PTPRD: variants seen among roughly 807,000 people sequenced by gnomAD.
PTPRD encodes protein tyrosine phosphatase receptor type D, also known as receptor-type tyrosine-protein phosphatase delta.
A neutral mutation model predicts 214.5 loss-of-function variants in PTPRD; 34 were observed. The ratio of observed to expected loss-of-function variants is 0.16; its 90% CI spans 0.12 to 0.21. The LOEUF is 0.21. PTPRD is among the 10% of genes least tolerant of loss of function. The probability of loss-of-function intolerance (pLI) is 1.00; values close to 1 mark genes in which losing one functional copy is unlikely to be tolerated. For synonymous variants in PTPRD, 1,128 were observed against 845.7 expected, an observed-to-expected ratio of 1.33 and a Z score of -5.79; for missense variants, 2,545 against 2,398.7, an observed-to-expected ratio of 1.06 and a Z score of -1.27.
At chr9:8,940,921 C>G (rs2099030163) in intron 11 of PTPRD, among the ~76,000 whole-genome samples, 1 of 151,964 alleles carries the variant, frequency 6.6e-6, no homozygotes. Context: ...TGCCTTGAGC[C>G]CAAGTTGCAC....
intron 4 of PTPRD, among the ~76,000 whole-genome samples, chr9:9,961,028 G>A (rs1021162619): frequency 1.3e-5 from 2 of 152,000 alleles, no homozygotes; most frequent in Non-Finnish European, 2.9e-5. Flanking sequence ...CTCAAAAGAA[G>A]ACATTTATGC....
chr9:8,871,688 A>G (rs1477211131), intron 11 of PTPRD, among the ~76,000 whole-genome samples: 2 of 152,204 alleles, frequency 1.3e-5, no homozygotes, highest in Non-Finnish European at 2.9e-5. Flanking sequence ...AAAGGCCATG[A>G]TAAGAGTGAA....
At chr9:8,810,904 T>C (rs994689272) in intron 11 of PTPRD, among the ~76,000 whole-genome samples, 9 of 152,172 alleles carry the variant, frequency 5.9e-5, no homozygotes, top group Non-Finnish European at 1.0e-4. Context: ...CCCCTTTCCC[T>C]TGTTGGCTAT....
intron 3 of PTPRD, among the ~76,000 whole-genome samples, chr9:10,052,995 T>G (rs1449693446): frequency 6.6e-6 from 1 of 152,174 alleles, no homozygotes; most frequent in Non-Finnish European, 1.5e-5. Flanking sequence ...ACTATCTAAG[T>G]GGCATTCTAA....
rs72700315 is a variant in PTPRD, at chr9:8,650,768, T to C, written c.65-13924A>G. On this transcript the variant is annotated intron_variant, in intron 12 of 45. Transcript: ENST00000381196. ...TTATTTTGTGCAATACCTAACATGT[T>C]GTAGGCATTCAATACCTTTTAAAGT... 2.8e-3 allele frequency among the ~76,000 whole-genome samples: 423 copies of C among 152,318 alleles called. 1 individual carries two copies. Among genetic ancestry groups the C allele is most frequent in the Admixed American group, 4.1e-3 (62 of 15,306 alleles).
chr9:10,562,296 G>T (rs1590968395), intron 2 of PTPRD, among the ~76,000 whole-genome samples: 1 of 151,554 alleles, frequency 6.6e-6, no homozygotes, highest in Non-Finnish European at 1.5e-5. Context: ...ACGTAATGGA[G>T]GGTTTCTTAT....
chr9:8,755,149 A>AACATATACCTACC (rs2093883602), intron 11 of PTPRD, among the ~76,000 whole-genome samples: 1 of 152,036 alleles, frequency 6.6e-6, no homozygotes, highest in African/African-American at 2.4e-5. Context: ...TGTTTTGCTA[A>AACATATACCTACC]ACATATACCT....
intron 14 of PTPRD, among the ~76,000 whole-genome samples, chr9:8,597,510 A>C (rs965223492): frequency 3.3e-5 from 5 of 152,270 alleles, no homozygotes; most frequent in Middle Eastern, 3.4e-3. Flanking sequence ...TATCAAAATA[A>C]AACAAAAAAA....
In PTPRD at chr9:9,779,078, C is replaced by CAAAAAAAA. The variant is rs869120926; in HGVS notation, c.-367-12235_-367-12228dup. Among the ~76,000 whole-genome samples, 60 of 45,476 alleles carry CAAAAAAAA rather than the reference C, an allele frequency of 1.3e-3. 10 individuals are homozygous for CAAAAAAAA. Among genetic ancestry groups the CAAAAAAAA allele is most frequent in the African/African-American group, 3.1e-3 (35 of 11,270 alleles). The allele number at this position is 45,476 out of a possible 152,430, so 29.8% of individuals were successfully genotyped here. A position where few individuals can be genotyped will look rare whatever the true frequency, so the allele number is the denominator to read the frequency against. ...GCCATGTGATCTTTCATAAGACTGA[C>CAAAAAAAA]AAAAAAAAAAAAAAAAAAAAAAAAA... On this transcript the variant is annotated intron_variant, in intron 5 of 45. Coordinates refer to ENST00000381196, the MANE Select transcript of PTPRD (RefSeq NM_002839.4).
intron 8 of PTPRD, among the ~76,000 whole-genome samples, chr9:9,556,210 A>G (rs1028972912): frequency 1.3e-5 from 2 of 152,214 alleles, no homozygotes; most frequent in African/African-American, 4.8e-5. Flanking sequence ...TAAGAAAATC[A>G]TTAGAAAGCG....
At chr9:9,287,215 A>ACT (rs1328597985) in intron 9 of PTPRD, among the ~76,000 whole-genome samples, 1 of 151,270 alleles carries the variant, frequency 6.6e-6, no homozygotes, top group Non-Finnish European at 1.5e-5. Flanking sequence ...ACAGAACAAG[A>ACT]CTCTGTCATC....
chr9:8,380,070 C>T (rs2084512809), intron 37 of PTPRD, among the ~76,000 whole-genome samples: 1 of 152,088 alleles, frequency 6.6e-6, no homozygotes. Context: ...AGTTTGATGA[C>T]ATTCTGGATT....
intron 2 of PTPRD, among the ~76,000 whole-genome samples, chr9:10,496,342 G>A (rs2132983646): frequency 6.6e-6 from 1 of 151,888 alleles, no homozygotes; most frequent in Middle Eastern, 3.4e-3. Context: ...CGAACATCAG[G>A]CAAAGATATA....
At chr9:10,161,625 C>A (rs77695837) in intron 3 of PTPRD, among the ~76,000 whole-genome samples, 3,160 of 151,748 alleles carry the variant, frequency 0.021, 39 homozygotes, top group Middle Eastern at 0.034. Context: ...TGCTTCAGGG[C>A]AATGGTTTGG....
At chr9:10,097,170 A>G (rs200036533) in intron 3 of PTPRD, among the ~76,000 whole-genome samples, 3 of 109,738 alleles carry the variant, frequency 2.7e-5, no homozygotes, top group Non-Finnish European at 6.6e-5. Flanking sequence ...GTCAGGTAAC[A>G]GGATGCCTCC....
intron 5 of PTPRD, among the ~76,000 whole-genome samples, chr9:9,936,345 TA>T (rs2089395899): frequency 6.6e-6 from 1 of 151,750 alleles, no homozygotes; most frequent in Non-Finnish European, 1.5e-5. Context: ...AAAGGGCTAA[TA>T]TCCAGAATCT....
chr9:8,929,584 G>C (rs1453678369), intron 11 of PTPRD, among the ~76,000 whole-genome samples: 2 of 151,334 alleles, frequency 1.3e-5, no homozygotes, highest in African/African-American at 4.9e-5. Flanking sequence ...TGCTGGATTC[G>C]GTTTGCCAGT....
chr9:9,827,648 C>T (rs1309149397), intron 5 of PTPRD, among the ~76,000 whole-genome samples: 6 of 151,982 alleles, frequency 3.9e-5, no homozygotes, highest in Admixed American at 1.3e-4. Context: ...AAAGCCAAAA[C>T]TGATAAACGG....
At chr9:9,869,236 T>C (rs2064812635) in intron 5 of PTPRD, among the ~76,000 whole-genome samples, 1 of 152,174 alleles carries the variant, frequency 6.6e-6, no homozygotes, top group Admixed American at 6.5e-5. Flanking sequence ...TGTGATCAAA[T>C]GGCTGACAAA....
Sources: gnomAD v4.1 joint callset for allele counts (sites outside exome capture counted in the v4.1 genomes callset) on GRCh38, gnomAD v4.1.1 for gene constraint, MANE v1.5 for transcripts, NCBI Gene and HGNC (gene_info 2026-07-23, HGNC 2026-07-21) for gene names.